DPP10: variants seen among roughly 807,000 people sequenced by gnomAD.
DPP10 encodes the protein inactive dipeptidyl peptidase 10.
Under a neutral mutation model 120.9 loss-of-function variants are expected in DPP10, and 33 were observed. The observed-to-expected ratio is 0.27, with a 90% CI of 0.21 to 0.37. DPP10 has a LOEUF of 0.37. Ranked by LOEUF, DPP10 falls within the 10% of genes least tolerant of loss-of-function variation. The pLI is 1.00. For missense variants in DPP10, 816 were observed against 942.8 expected (o/e 0.87, Z 1.76); for synonymous variants, 337 against 326.1 (o/e 1.03, Z -0.36).
At chr2:114,541,752 G>A (rs1441392180) in intron 1 of DPP10, among the ~76,000 whole-genome samples, 1 of 152,130 alleles carries the variant, frequency 6.6e-6, no homozygotes, top group African/African-American at 2.4e-5. Context: ...TTTAAAACTT[G>A]TAGAATATTA....
chr2:115,609,234 T>G lies in DPP10; in HGVS notation c.442-80453T>G, dbSNP rs558538377. The stretch of plus-strand genomic sequence containing the variant: ...TGAGGCAAAATAATTAGCAAGCTAG[T>G]GATCCATATCTGGCCAGCAGAGCTT... On this transcript the variant is annotated intron_variant, in intron 5 of 25. Transcript: ENST00000410059. Among the ~76,000 whole-genome samples, 3 of 152,260 alleles carry G rather than the reference T, an allele frequency of 2.0e-5. No individual in the cohort carries two copies. In the South Asian group the frequency reaches 6.2e-4, roughly 32 times the overall value.
chr2:114,917,274 A>G (rs911776315), intron 1 of DPP10, among the ~76,000 whole-genome samples: 4 of 152,196 alleles, frequency 2.6e-5, no homozygotes, highest in Non-Finnish European at 4.4e-5. Context: ...GAAGGGAAAA[A>G]TCTCTACAAG....
intron 17 of DPP10, among the ~76,000 whole-genome samples, chr2:115,788,881 C>A (rs765424608): frequency 5.8e-4 from 88 of 152,258 alleles, no homozygotes; most frequent in Non-Finnish European, 9.4e-4. Flanking sequence ...CTTTGGGAGG[C>A]CGAGGCGGGT....
chr2:114,991,007 G>A (rs923575614), intron 1 of DPP10, among the ~76,000 whole-genome samples: 2 of 151,990 alleles, frequency 1.3e-5, no homozygotes, highest in African/African-American at 4.8e-5. Context: ...TAAGGTTTTT[G>A]TACATTGAAG....
At chr2:115,151,805 T>C (rs1408912764) in intron 1 of DPP10, among the ~76,000 whole-genome samples, 2 of 151,852 alleles carry the variant, frequency 1.3e-5, no homozygotes, top group African/African-American at 4.8e-5. Flanking sequence ...CTATAATACA[T>C]GTCACATTTT....
chr2:115,391,747 A>T (rs985782208), intron 3 of DPP10, among the ~76,000 whole-genome samples: 1 of 144,194 alleles, frequency 6.9e-6, no homozygotes, highest in East Asian at 2.0e-4. Context: ...GAGAAATAAC[A>T]TATTAAAAAT....
At chr2:115,395,423 A>C (rs976913669) in intron 3 of DPP10, among the ~76,000 whole-genome samples, 1 of 151,930 alleles carries the variant, frequency 6.6e-6, no homozygotes. Flanking sequence ...GAGCTTTGAC[A>C]TGTGGGTTTC....
intron 1 of DPP10, among the ~76,000 whole-genome samples, chr2:114,448,673 C>T (rs1183021502): frequency 6.6e-6 from 1 of 152,200 alleles, no homozygotes; most frequent in African/African-American, 2.4e-5. Context: ...TAAGACACAT[C>T]TGTGCTATTG....
chr2:114,969,124 A>G (rs1699228962), intron 1 of DPP10, among the ~76,000 whole-genome samples: 1 of 152,204 alleles, frequency 6.6e-6, no homozygotes, highest in African/African-American at 2.4e-5. Context: ...TAATAGAATC[A>G]TCTGATAGGT....
chr2:114,751,682 T>C (rs564205383), intron 1 of DPP10, among the ~76,000 whole-genome samples: 119 of 152,276 alleles, frequency 7.8e-4, no homozygotes, highest in African/African-American at 2.7e-3. Context: ...TAGAAACAGG[T>C]GCTTCGGGCT....
intron 3 of DPP10, among the ~76,000 whole-genome samples, chr2:115,429,127 G>A (rs887258230): frequency 6.6e-6 from 1 of 151,870 alleles, no homozygotes; most frequent in African/African-American, 2.4e-5. Flanking sequence ...TTATTTTAGT[G>A]AATAAAATTT....
intron 5 of DPP10, among the ~76,000 whole-genome samples, chr2:115,681,674 C>T (rs1269289874): frequency 6.7e-6 from 1 of 149,694 alleles, no homozygotes; most frequent in Non-Finnish European, 1.5e-5. Flanking sequence ...GTTTTTTTCC[C>T]CTTTCTTTCT....
chr2:115,431,145 G>A (rs531537653), intron 3 of DPP10, among the ~76,000 whole-genome samples: 29 of 152,296 alleles, frequency 1.9e-4, no homozygotes, highest in Admixed American at 5.2e-4. Context: ...TCGCGAAAGC[G>A]AAGGGATCCA....
intron 1 of DPP10, among the ~76,000 whole-genome samples, chr2:114,497,785 C>T (rs1182375341): frequency 1.3e-5 from 2 of 152,152 alleles, no homozygotes. Flanking sequence ...ACTCTCATCC[C>T]CTTCAATGGA....
At chr2:114,661,116 A>G (rs2105547480) in intron 1 of DPP10, among the ~76,000 whole-genome samples, 1 of 152,288 alleles carries the variant, frequency 6.6e-6, no homozygotes, top group East Asian at 1.9e-4. Flanking sequence ...CAAATGATAT[A>G]TGCTCATTCA....
intron 1 of DPP10, among the ~76,000 whole-genome samples, chr2:114,481,110 A>G (rs1681005306): frequency 6.6e-6 from 1 of 152,056 alleles, no homozygotes; most frequent in South Asian, 2.1e-4. Flanking sequence ...GATCCAAAAA[A>G]GGAACAAATG....
chr2:115,059,117 G>A (rs1426849271), intron 1 of DPP10, among the ~76,000 whole-genome samples: 1 of 151,974 alleles, frequency 6.6e-6, no homozygotes, highest in Non-Finnish European at 1.5e-5. Context: ...AGGGAGGGAG[G>A]AAGGAGAAAG....
At chr2:115,835,222 CAGATCTCTAGAGT>C (rs1689353171) in intron 21 of DPP10, among the ~76,000 whole-genome samples, 1 of 151,964 alleles carries the variant, frequency 6.6e-6, no homozygotes, top group South Asian at 2.1e-4. Flanking sequence ...GAAAAATGGG[CAGATCTCTAGAGT>C]AGATCTCAAA....
Position 114,993,580 on chromosome 2 carries a change from G to GTA in DPP10, c.61-315633_61-315632dup, listed in dbSNP as rs59593945. The stretch of plus-strand genomic sequence containing the variant: ...ATTCTTATTATGTGTGTGTGTGTGT[G>GTA]TATATATATATATATATATATATAT... On this transcript the variant is annotated intron_variant, in intron 1 of 25. Coordinates refer to ENST00000410059, the MANE Select transcript of DPP10 (RefSeq NM_020868.6). Among the ~76,000 whole-genome samples the GTA allele has an allele frequency of 7.6e-3, 739 of 97,322 alleles. 12 individuals are homozygous for GTA. The highest frequency in any genetic ancestry group is 0.023 in the South Asian group (56 of 2,432). 63.8% of individuals were successfully genotyped at this position (97,322 alleles called of 152,430 possible).
Sources: allele counts gnomAD v4.1 joint callset (sites outside exome capture counted in the v4.1 genomes callset), GRCh38; gene constraint gnomAD v4.1.1; transcripts MANE v1.5; gene names NCBI Gene and HGNC (gene_info 2026-07-23, HGNC 2026-07-21).